The following CEP112 variants were observed in gnomAD, a reference collection of about 807,000 sequenced individuals.
CEP112 encodes centrosomal protein of 112 kDa.
In CEP112, 127 loss-of-function variants were observed where a neutral mutation model predicts 153.0. The ratio of observed to expected loss-of-function variants is 0.83; its 90% CI spans 0.72 to 0.96. The LOEUF (loss-of-function observed/expected upper bound fraction) is 0.96, where lower values mean the gene tolerates loss of function less well. Among genes scored for constraint, CEP112 ranks in the 40% least tolerant of loss-of-function variants. The pLI is 0.00. For missense variants in CEP112, 1,089 were observed against 1,101.2 expected, an observed-to-expected ratio of 0.99 and a Z score of 0.16; for synonymous variants, 358 against 374.4, an observed-to-expected ratio of 0.96 and a Z score of 0.51.
chr17:65,671,962 A>G (rs1025428212), intron 24 of CEP112, among the ~76,000 whole-genome samples: 2 of 152,220 alleles, frequency 1.3e-5, no homozygotes, highest in Non-Finnish European at 2.9e-5. Flanking sequence ...TATGACAAAC[A>G]TTAATAAATA....
At chr17:65,767,592 T>G (rs2053065814) in intron 21 of CEP112, among the ~76,000 whole-genome samples, 1 of 151,922 alleles carries the variant, frequency 6.6e-6, no homozygotes, top group African/African-American at 2.4e-5. Context: ...AAGAGTTGGT[T>G]TTTGAAAAAA....
At chr17:65,805,066 C>T (rs1305280708) in intron 21 of CEP112, among the ~76,000 whole-genome samples, 1 of 151,954 alleles carries the variant, frequency 6.6e-6, no homozygotes, top group Non-Finnish European at 1.5e-5. Flanking sequence ...CCAGGCTGGT[C>T]TCAGACTCCT....
rs138202238 is a variant in CEP112, at chr17:66,096,662, G to T, written c.643-30C>A. Reference sequence around the variant, plus strand: ...AAATTTAAAAATAAAACAAAATAAGGATTTATTAATTTTGGAGTTTTAATT... The same window carrying T: ...AAATTTAAAAATAAAACAAAATAAGTATTTATTAATTTTGGAGTTTTAATT... On this transcript the variant is annotated intron_variant, in intron 6 of 26. Transcript: ENST00000535342. 35 of 1,396,740 alleles carry T rather than the reference G, an allele frequency of 2.5e-5. No individual in the cohort carries two copies. In the East Asian group the frequency reaches 8.1e-4, roughly 32 times the overall value. 86.5% of individuals were successfully genotyped at this position (1,396,740 alleles called of 1,614,324 possible). A position where few individuals can be genotyped will look rare whatever the true frequency, so the allele number is the denominator to read the frequency against.
Position 65,689,180 on chromosome 17 carries a change from C to T in CEP112, c.2646G>A (p.Val882=), listed in dbSNP as rs766318606. 8 of 1,613,698 alleles carry T rather than the reference C, an allele frequency of 5.0e-6. No homozygotes were observed. The highest frequency in any genetic ancestry group is 6.8e-6 in the Non-Finnish European group (8 of 1,179,664). ...GTTGTAATTTTTTCTCTGCACATCGCACCTGATTAGAACGGTTTTCTAATT... is the reference window on the plus strand; with the variant it reads ...GTTGTAATTTTTTCTCTGCACATCGTACCTGATTAGAACGGTTTTCTAATT... ...QDELENRSNQ[V]RCAEKKLQHK... is the part of the protein sequence containing the mutation. Residue 882 remains valine, a synonymous_variant, in exon 24 of 27, where the codon GTG becomes GTA. Transcript: ENST00000535342.
chr17:65,998,450 G>A (rs10853067), intron 17 of CEP112, among the ~76,000 whole-genome samples: 60,872 of 141,290 alleles, frequency 0.43, 14,012 homozygotes, highest in East Asian at 0.87. Context: ...ACAAAACACA[G>A]AACTCTGTGA....
intron 12 of CEP112, among the ~76,000 whole-genome samples, chr17:66,032,090 C>T (rs1476254823): frequency 6.6e-6 from 1 of 152,090 alleles, no homozygotes; most frequent in Non-Finnish European, 1.5e-5. Flanking sequence ...CAACCTCCAC[C>T]TCCCAGGTTC....
At chr17:65,884,524 G>C (rs192017159) in intron 20 of CEP112, among the ~76,000 whole-genome samples, 1 of 152,024 alleles carries the variant, frequency 6.6e-6, no homozygotes, top group Non-Finnish European at 1.5e-5. Flanking sequence ...CTATACAAAA[G>C]TGTCTTATTT....
At chr17:66,188,004 C>A (rs2073001198) in intron 1 of CEP112, among the ~76,000 whole-genome samples, 1 of 152,022 alleles carries the variant, frequency 6.6e-6, no homozygotes. Context: ...CAAAATCTGC[C>A]TGCTTCCCTA....
At chr17:66,055,125 A>G (rs1443278) in intron 11 of CEP112, among the ~76,000 whole-genome samples, 152,223 of 152,286 alleles carry the variant, frequency 1, 76,080 homozygotes, top group Non-Finnish European at 1. Context: ...AGGCAGTGTG[A>G]ACTCTTATTT....
intron 20 of CEP112, among the ~76,000 whole-genome samples, chr17:65,901,549 G>A (rs758205662): frequency 1.3e-5 from 2 of 152,046 alleles, no homozygotes; most frequent in Non-Finnish European, 2.9e-5. Flanking sequence ...CCACAGCTGG[G>A]GGTTATTCTG....
chr17:66,098,180 G>A lies in CEP112; in HGVS notation c.643-1548C>T, dbSNP rs569048750. Reference sequence around the variant, plus strand: ...TGTTTCTGTACCTCGCTTCCATTTTGTGTACATCACTATCCTTCTTCTGTC... The same window carrying A: ...TGTTTCTGTACCTCGCTTCCATTTTATGTACATCACTATCCTTCTTCTGTC... On this transcript the variant is annotated intron_variant, in intron 6 of 26. Transcript: ENST00000535342. Among the ~76,000 whole-genome samples the A allele has an allele frequency of 7.2e-5, 11 of 152,296 alleles. No individual in the cohort carries two copies. In the East Asian group the frequency reaches 2.1e-3, roughly 29 times the overall value.
chr17:65,690,885 G>C (rs999573201), intron 23 of CEP112, among the ~76,000 whole-genome samples: 1 of 152,176 alleles, frequency 6.6e-6, no homozygotes, highest in African/African-American at 2.4e-5. Flanking sequence ...AAGTTGCTGG[G>C]GGGTGGGGAG....
chr17:65,860,879 G>A (rs1164008542), intron 20 of CEP112, among the ~76,000 whole-genome samples: 2 of 152,078 alleles, frequency 1.3e-5, no homozygotes, highest in African/African-American at 2.4e-5. Context: ...TGATGAACAC[G>A]CAAATGAAAT....
intron 18 of CEP112, among the ~76,000 whole-genome samples, chr17:65,943,087 CTAGA>C (rs1192884596): frequency 6.6e-6 from 1 of 151,868 alleles, no homozygotes; most frequent in Non-Finnish European, 1.5e-5. Context: ...TCATATGTAG[CTAGA>C]TAGATACATA....
intron 20 of CEP112, among the ~76,000 whole-genome samples, chr17:65,857,462 G>A (rs563524032): frequency 5.3e-5 from 8 of 152,228 alleles, no homozygotes; most frequent in South Asian, 2.1e-4. Context: ...CTTGCTAACC[G>A]AACTCCTGAC....
At chr17:66,094,232 G>A (rs960156780) in intron 8 of CEP112, among the ~76,000 whole-genome samples, 3 of 151,852 alleles carry the variant, frequency 2.0e-5, no homozygotes, top group Non-Finnish European at 2.9e-5. Context: ...GCTAATTTTC[G>A]TATTTTTAGT....
intron 21 of CEP112, among the ~76,000 whole-genome samples, chr17:65,811,383 A>T (rs1264971590): frequency 6.6e-6 from 1 of 152,200 alleles, no homozygotes; most frequent in Non-Finnish European, 1.5e-5. Context: ...AAAAACTGCT[A>T]GTGTGAGGAC....
At chr17:65,687,536 C>T (rs1162271650) in intron 24 of CEP112, among the ~76,000 whole-genome samples, 10 of 152,008 alleles carry the variant, frequency 6.6e-5, no homozygotes, top group Non-Finnish European at 5.9e-5. Context: ...ATTACATAGA[C>T]ATTATATAAA....
chr17:66,033,009 A>G (rs1405616535), intron 12 of CEP112, among the ~76,000 whole-genome samples: 1 of 150,240 alleles, frequency 6.7e-6, no homozygotes, highest in Admixed American at 6.6e-5. Flanking sequence ...TTCTTTCAAC[A>G]TAATCTGGCA....
Sources: gnomAD v4.1 joint callset for allele counts (sites outside exome capture counted in the v4.1 genomes callset) on GRCh38, gnomAD v4.1.1 for gene constraint, MANE v1.5 for transcripts, NCBI Gene and HGNC (gene_info 2026-07-23, HGNC 2026-07-21) for gene names.